Variants in NPAS3 observed in about 807,000 individuals in gnomAD.
NPAS3 encodes neuronal PAS domain protein 3.
NPAS3 carries 14 observed loss-of-function variants against 73.1 expected under a neutral mutation model. That is an observed-to-expected ratio of 0.19 (90% confidence interval 0.13 to 0.30). The LOEUF (loss-of-function observed/expected upper bound fraction) is 0.30. NPAS3 is among the 10% of genes least tolerant of loss of function. The pLI, the probability that NPAS3 is intolerant of heterozygous loss-of-function variation, is 1.00. For missense variants in NPAS3, 1,096 were observed against 1,250.0 expected, an observed-to-expected ratio of 0.88 and a Z score of 1.86; for synonymous variants, 620 against 541.5, an observed-to-expected ratio of 1.14 and a Z score of -2.01.
intron 2 of NPAS3, among the ~76,000 whole-genome samples, chr14:33,061,205 G>A (rs2041086635): frequency 6.6e-6 from 1 of 152,184 alleles, no homozygotes. Context: ...AAAGGGAAAG[G>A]TCACGGAGGC....
chr14:33,201,726 T>G (rs936155602), intron 2 of NPAS3, among the ~76,000 whole-genome samples: 1 of 152,268 alleles, frequency 6.6e-6, no homozygotes, highest in Non-Finnish European at 1.5e-5. Context: ...CAGTGGATTA[T>G]AGGTTCTGAT....
At chr14:33,027,499 G>A (rs138258071) in intron 1 of NPAS3, among the ~76,000 whole-genome samples, 1 of 152,190 alleles carries the variant, frequency 6.6e-6, no homozygotes, top group African/African-American at 2.4e-5. Context: ...CTCAGATTAG[G>A]TTAAGTTGGT....
chr14:33,579,749 A>G (rs1026504462), intron 5 of NPAS3, among the ~76,000 whole-genome samples: 3 of 152,164 alleles, frequency 2.0e-5, no homozygotes, highest in Non-Finnish European at 4.4e-5. Context: ...AGTATCAAAA[A>G]TAAACTGTGT....
At chr14:33,199,136 C>T (rs964961765) in intron 2 of NPAS3, among the ~76,000 whole-genome samples, 8 of 152,138 alleles carry the variant, frequency 5.3e-5, no homozygotes, top group Admixed American at 1.3e-4. Context: ...CACACCTCCC[C>T]GCAAGCAGAG....
At chr14:33,302,504 CA>C (rs1371404040) in intron 3 of NPAS3, among the ~76,000 whole-genome samples, 2 of 152,112 alleles carry the variant, frequency 1.3e-5, no homozygotes, top group African/African-American at 4.8e-5. Flanking sequence ...GTCTATGCAT[CA>C]AAGTGTGAAA....
chr14:33,514,094 G>C (rs898742663), intron 4 of NPAS3, among the ~76,000 whole-genome samples: 4 of 152,050 alleles, frequency 2.6e-5, no homozygotes, highest in African/African-American at 9.7e-5. Context: ...CCTTGGACAT[G>C]AGTTCACTCA....
chr14:33,290,387 C>T (rs1321450955), intron 3 of NPAS3, among the ~76,000 whole-genome samples: 2 of 152,150 alleles, frequency 1.3e-5, no homozygotes, highest in African/African-American at 4.8e-5. Flanking sequence ...GAGCAACCAG[C>T]CTGCAGTATA....
chr14:33,676,063 G>GTAT, intron 5 of NPAS3, 148 bp from the exon 6 acceptor site: 1 of 707,062 alleles, frequency 1.4e-6, no homozygotes, highest in Non-Finnish European at 2.3e-6. Flanking sequence ...GAATTCTTAA[G>GTAT]TATTTGAAGA....
intron 3 of NPAS3, among the ~76,000 whole-genome samples, chr14:33,328,451 T>C (rs868086973): frequency 1.5e-3 from 18 of 11,692 alleles, no homozygotes; most frequent in African/African-American, 6.4e-3. Flanking sequence ...CTTTTCTTTT[T>C]TTTTTTTTTT....
chr14:33,243,944 TTGAC>T (rs760020249), intron 3 of NPAS3, among the ~76,000 whole-genome samples: 31 of 152,162 alleles, frequency 2.0e-4, no homozygotes, highest in Admixed American at 9.2e-4. Context: ...TTTTAAAACT[TTGAC>T]TGACCAATTG....
At chr14:33,294,347 A>ATT (rs554224413) in intron 3 of NPAS3, among the ~76,000 whole-genome samples, 7 of 152,118 alleles carry the variant, frequency 4.6e-5, no homozygotes, top group African/African-American at 1.7e-4. Flanking sequence ...CCAGGGCCTC[A>ATT]TTTTTTTGAC....
chr14:33,227,036 G>A (rs2047661895), intron 3 of NPAS3, among the ~76,000 whole-genome samples: 1 of 152,120 alleles, frequency 6.6e-6, no homozygotes, highest in African/African-American at 2.4e-5. Context: ...GAGGCATGAA[G>A]ATAACATTAA....
intron 2 of NPAS3, among the ~76,000 whole-genome samples, chr14:33,147,754 T>TATATATAC (rs368950295): frequency 1.4e-3 from 197 of 142,406 alleles, no homozygotes; most frequent in African/African-American, 3.8e-3. Context: ...TATATATATA[T>TATATATAC]ACACACAAAA....
At chr14:33,560,432 C>T (rs182799498) in intron 5 of NPAS3, 2 of 410,202 alleles carry the variant, frequency 4.9e-6, no homozygotes, top group African/African-American at 2.0e-5. Context: ...TCCCCACCCC[C>T]CAAGGATCAT....
intron 1 of NPAS3, among the ~76,000 whole-genome samples, chr14:32,993,611 T>A (rs573926439): frequency 6.6e-6 from 1 of 152,310 alleles, no homozygotes; most frequent in Non-Finnish European, 1.5e-5. Flanking sequence ...TATTAACCAT[T>A]TTGTATTTTT....
At chr14:33,754,437 C>G (rs970587740) in intron 7 of NPAS3, among the ~76,000 whole-genome samples, 2 of 152,166 alleles carry the variant, frequency 1.3e-5, no homozygotes, top group Admixed American at 1.3e-4. Context: ...CCCCAGCTCC[C>G]TCTCCTCTCT....
At chr14:33,680,795 G>A (rs2059914138) in intron 6 of NPAS3, 5 of 595,522 alleles carry the variant, frequency 8.4e-6, no homozygotes, top group Non-Finnish European at 1.5e-5. Flanking sequence ...AATGCATGAG[G>A]CAGTACTTTG....
At chr14:33,286,366 C>G (rs755225404) in intron 3 of NPAS3, among the ~76,000 whole-genome samples, 62 of 152,110 alleles carry the variant, frequency 4.1e-4, no homozygotes, top group Non-Finnish European at 6.9e-4. Flanking sequence ...TTTATTCATT[C>G]CTTTATTCAT....
At chr14:33,331,589 C>T (rs1395775836) in intron 3 of NPAS3, among the ~76,000 whole-genome samples, 1 of 151,264 alleles carries the variant, frequency 6.6e-6, no homozygotes, top group East Asian at 2.0e-4. Flanking sequence ...TATAACTCCT[C>T]GGTGCTATTA....
Sources: gnomAD v4.1 joint callset for allele counts (sites outside exome capture counted in the v4.1 genomes callset) on GRCh38, gnomAD v4.1.1 for gene constraint, MANE v1.5 for transcripts, NCBI Gene and HGNC (gene_info 2026-07-23, HGNC 2026-07-21) for gene names.